Variants in GRIA4 observed in about 807,000 individuals in gnomAD.
GRIA4 encodes glutamate ionotropic receptor AMPA type subunit 4.
Under a neutral mutation model 104.0 loss-of-function variants are expected in GRIA4, and 34 were observed. The observed-to-expected ratio is 0.33, with a 90% CI of 0.25 to 0.44. The LOEUF is 0.44. Ranked by LOEUF, GRIA4 falls within the 20% of genes least tolerant of loss-of-function variation. The pLI is 1.00. For synonymous variants in GRIA4, 386 were observed against 381.9 expected (o/e 1.01, Z -0.13); for missense variants, 750 against 1,096.5 (o/e 0.68, Z 4.46).
chr11:105,901,538 T>G (rs1946853611), intron 7 of GRIA4, among the ~76,000 whole-genome samples: 1 of 152,214 alleles, frequency 6.6e-6, no homozygotes, highest in African/African-American at 2.4e-5. Context: ...AGCCCCTAAC[T>G]GTGGATTCCT....
chr11:105,633,441 G>A (rs1049812601), intron 3 of GRIA4, among the ~76,000 whole-genome samples: 1 of 152,136 alleles, frequency 6.6e-6, no homozygotes, highest in African/African-American at 2.4e-5. Flanking sequence ...ATAGTTCATA[G>A]CACAGTATAT....
intron 3 of GRIA4, among the ~76,000 whole-genome samples, chr11:105,671,495 G>A (rs970618208): frequency 1.9e-4 from 29 of 151,518 alleles, no homozygotes; most frequent in Middle Eastern, 3.4e-3. Flanking sequence ...TGGCCAACAT[G>A]GTGAAATCCC....
intron 3 of GRIA4, among the ~76,000 whole-genome samples, chr11:105,656,144 T>G (rs1008257787): frequency 6.6e-6 from 1 of 152,200 alleles, no homozygotes; most frequent in Non-Finnish European, 1.5e-5. Flanking sequence ...TTGAGAAGTG[T>G]CTGTTTATAT....
intron 3 of GRIA4, among the ~76,000 whole-genome samples, chr11:105,745,616 C>A (rs1176013115): frequency 6.6e-6 from 1 of 152,186 alleles, no homozygotes; most frequent in Non-Finnish European, 1.5e-5. Flanking sequence ...ATCTGTTGTA[C>A]AAAGTTGTCT....
At chr11:105,937,302 A>G (rs542234787) in intron 14 of GRIA4, among the ~76,000 whole-genome samples, 1 of 152,302 alleles carries the variant, frequency 6.6e-6, no homozygotes, top group South Asian at 2.1e-4. Flanking sequence ...ATTATAATAT[A>G]GACATCTACT....
intron 3 of GRIA4, among the ~76,000 whole-genome samples, chr11:105,643,055 G>A (rs978221075): frequency 6.6e-6 from 1 of 152,108 alleles, no homozygotes; most frequent in Admixed American, 6.5e-5. Context: ...AAGATCTCAT[G>A]AGAACTTACT....
At chr11:105,968,946 G>T (rs764134236) in intron 14 of GRIA4, among the ~76,000 whole-genome samples, 57 of 152,144 alleles carry the variant, frequency 3.7e-4, no homozygotes, top group Non-Finnish European at 2.9e-5. Flanking sequence ...GGCAACAGCT[G>T]CAACCATCAA....
At chr11:105,973,638 A>G (rs2136288056) in intron 15 of GRIA4, among the ~76,000 whole-genome samples, 1 of 152,266 alleles carries the variant, frequency 6.6e-6, no homozygotes, top group Non-Finnish European at 1.5e-5. Context: ...GTTATCTTAA[A>G]AAATTACTTG....
intron 4 of GRIA4, among the ~76,000 whole-genome samples, chr11:105,836,707 C>T (rs1944201104): frequency 6.6e-6 from 1 of 152,208 alleles, no homozygotes; most frequent in South Asian, 2.1e-4. Context: ...GGTATAGAGC[C>T]CAGAACTGTT....
At chr11:105,969,020 C>T (rs917873773) in intron 14 of GRIA4, among the ~76,000 whole-genome samples, 2 of 152,146 alleles carry the variant, frequency 1.3e-5, no homozygotes, top group Admixed American at 1.3e-4. Flanking sequence ...TCTGCTTCTA[C>T]ATGTGTAAAA....
intron 4 of GRIA4, among the ~76,000 whole-genome samples, chr11:105,801,651 C>A (rs1394738324): frequency 6.6e-6 from 1 of 151,926 alleles, no homozygotes; most frequent in Non-Finnish European, 1.5e-5. Flanking sequence ...CATTTACTAC[C>A]ATTTACTGTC....
chr11:105,966,045 G>A (rs923418393), intron 14 of GRIA4: 3 of 1,611,416 alleles, frequency 1.9e-6, no homozygotes, highest in African/African-American at 2.7e-5. Context: ...TGTGGCAGCG[G>A]GGGAGGTGAC....
At chr11:105,783,596 C>A (rs1941822191) in intron 4 of GRIA4, among the ~76,000 whole-genome samples, 1 of 152,186 alleles carries the variant, frequency 6.6e-6, no homozygotes, top group East Asian at 1.9e-4. Context: ...CTTTATCGTC[C>A]ATAGGTTTCT....
In GRIA4 at chr11:105,688,156, C is replaced by CTATATCTATATCTCTA. The variant is rs373564678; in HGVS notation, c.248-64824_248-64823insATATCTATATCTCTAT. Among the ~76,000 whole-genome samples, 485 of 72,592 alleles carry CTATATCTATATCTCTA rather than the reference C, an allele frequency of 6.7e-3. 1 individual carries two copies. The highest frequency in any genetic ancestry group is 8.4e-3 in the African/African-American group (148 of 17,702). 47.6% of individuals were successfully genotyped at this position (72,592 alleles called of 152,430 possible). On this transcript the variant is annotated intron_variant, in intron 3 of 16. Coordinates refer to ENST00000282499, the MANE Select transcript of GRIA4 (RefSeq NM_000829.4). ...TCTATATCTATATCTATATCTATAT[C>CTATATCTATATCTCTA]TCTATCTATCTATCTATCTATCTAT...
At chr11:105,655,305 T>G (rs958626451) in intron 3 of GRIA4, among the ~76,000 whole-genome samples, 2 of 152,178 alleles carry the variant, frequency 1.3e-5, no homozygotes, top group African/African-American at 4.8e-5. Flanking sequence ...CTTTGAGTAG[T>G]TACATCTAAC....
intron 3 of GRIA4, among the ~76,000 whole-genome samples, chr11:105,670,130 T>C (rs1952313623): frequency 6.6e-6 from 1 of 152,112 alleles, no homozygotes; most frequent in Admixed American, 6.6e-5. Context: ...AATGAGAATA[T>C]ACCATTTGTT....
At chr11:105,755,100 C>T (rs1940225783) in intron 4 of GRIA4, among the ~76,000 whole-genome samples, 1 of 152,096 alleles carries the variant, frequency 6.6e-6, no homozygotes, top group Non-Finnish European at 1.5e-5. Flanking sequence ...CCTGCTATTG[C>T]ATGCTAATGC....
At chr11:105,820,870 T>C (rs1943550767) in intron 4 of GRIA4, among the ~76,000 whole-genome samples, 1 of 152,178 alleles carries the variant, frequency 6.6e-6, no homozygotes, top group African/African-American at 2.4e-5. Flanking sequence ...CTGATTTACA[T>C]ATGCCATATG....
chr11:105,857,630 C>T (rs1382978991), intron 4 of GRIA4, among the ~76,000 whole-genome samples: 1 of 152,024 alleles, frequency 6.6e-6, no homozygotes, highest in Non-Finnish European at 1.5e-5. Flanking sequence ...ACATTCTCAC[C>T]TCTTCCCATT....
Sources: gnomAD v4.1 joint callset for allele counts (sites outside exome capture counted in the v4.1 genomes callset) on GRCh38, gnomAD v4.1.1 for gene constraint, MANE v1.5 for transcripts, NCBI Gene and HGNC (gene_info 2026-07-23, HGNC 2026-07-21) for gene names.